Variants in GTF2H1 observed in about 807,000 individuals in gnomAD.
GTF2H1 encodes the protein general transcription factor IIH subunit 1.
In GTF2H1, 16 loss-of-function variants were observed where a neutral mutation model predicts 71.2. That is an observed-to-expected ratio of 0.22 (90% confidence interval 0.15 to 0.34). The LOEUF is 0.34. Among genes scored for constraint, GTF2H1 ranks in the 10% least tolerant of loss-of-function variants. The pLI is 1.00. For missense variants in GTF2H1, 498 were observed against 648.2 expected, an observed-to-expected ratio of 0.77 and a Z score of 2.52; for synonymous variants, 215 against 219.0, an observed-to-expected ratio of 0.98 and a Z score of 0.16.
In GTF2H1 at chr11:18,341,522, T is replaced by G. The variant is rs1397645480; in HGVS notation, c.758-6T>G. ...TGCTGAACTTTTTATTTTGTTGATT[T>G]TCTAGGCCTAAAAACAATGGTTTCA... On this transcript the variant is annotated splice_polypyrimidine_tract_variant and splice_region_variant and intron_variant, in intron 6 of 14. Coordinates refer to ENST00000265963, the MANE Select transcript of GTF2H1 (RefSeq NM_005316.4). 7 of 1,609,756 alleles carry G rather than the reference T, an allele frequency of 4.3e-6. No individual in the cohort carries two copies. Among genetic ancestry groups the G allele is most frequent in the Non-Finnish European group, 5.9e-6 (7 of 1,177,860 alleles).
chr11:18,330,915 AAG>A (rs1864879558), intron 1 of GTF2H1, among the ~76,000 whole-genome samples: 1 of 152,190 alleles, frequency 6.6e-6, no homozygotes, highest in African/African-American at 2.4e-5. Flanking sequence ...AGACCTATAA[AAG>A]GGGTATCTGA....
intron 1 of GTF2H1, chr11:18,324,093 C>T (rs774246995): frequency 6.5e-6 from 1 of 152,804 alleles, no homozygotes; most frequent in African/African-American, 2.4e-5. Flanking sequence ...TCTTGTTGCC[C>T]AGGCTGGAGT....
In GTF2H1 at chr11:18,366,841, T is replaced by TA. The variant is rs1865836749; in HGVS notation, c.*973dup. ...CTCCTTTTCTCTAGTATTTGACTGT[T>TA]ACTGTCCTTGGCGAATCGATAATCA... On this transcript the variant is annotated 3_prime_UTR_variant, in exon 15 of 15. Transcript: ENST00000265963. 6.6e-6 allele frequency: 1 copy of TA among 151,220 alleles called. No individual in the cohort carries two copies. The highest frequency in any genetic ancestry group is 2.4e-5 in the African/African-American group (1 of 41,150). 9.4% of individuals were successfully genotyped at this position (151,220 alleles called of 1,614,324 possible). A position where few individuals can be genotyped will look rare whatever the true frequency, so the allele number is the denominator to read the frequency against.
At chr11:18,364,397 A>G (rs996713803) in intron 14 of GTF2H1, among the ~76,000 whole-genome samples, 1 of 152,166 alleles carries the variant, frequency 6.6e-6, no homozygotes. Context: ...CTCCAAGGAA[A>G]CATATTCCAG....
chr11:18,350,045 A>G (rs2133978625), intron 9 of GTF2H1, among the ~76,000 whole-genome samples: 1 of 152,358 alleles, frequency 6.6e-6, no homozygotes, highest in Admixed American at 6.5e-5. Flanking sequence ...CATAAAGTTG[A>G]AAAATTCCAA....
At chr11:18,352,236 G>A (rs926453794) in intron 10 of GTF2H1, 93 bp from the exon 11 acceptor site, 36 of 664,666 alleles carry the variant, frequency 5.4e-5, no homozygotes, top group African/African-American at 5.3e-4. Context: ...TGCCTTGAGG[G>A]GAACTTAGTA....
chr11:18,351,763 A>C (rs1026617688), intron 9 of GTF2H1, 118 bp from the exon 10 acceptor site: 2 of 588,570 alleles, frequency 3.4e-6, no homozygotes, highest in African/African-American at 3.7e-5. Flanking sequence ...CTAGGAAGAG[A>C]AGCTCATGGT....
At position 18,365,892 on chromosome 11, in the gene GTF2H1, T is replaced by G. The variant is rs767455813; in HGVS notation, c.*23T>G. The G allele has an allele frequency of 3.2e-6, 5 of 1,553,968 alleles. No individual in the cohort carries two copies. In the African/African-American group the frequency reaches 5.4e-5, roughly 17 times the overall value. On this transcript the variant is annotated 3_prime_UTR_variant, in exon 15 of 15. Transcript: ENST00000265963. ...TGAGGTGGCCATGATGCTTACAGGTTTTGTGAGATTGAGAGAACTATGACC... is the reference window on the plus strand; with the variant it reads ...TGAGGTGGCCATGATGCTTACAGGTGTTGTGAGATTGAGAGAACTATGACC...
intron 9 of GTF2H1, chr11:18,348,582 G>C (rs1865353122): frequency 6.6e-6 from 1 of 152,150 alleles, no homozygotes; most frequent in Admixed American, 6.6e-5. Flanking sequence ...GATTTAGATA[G>C]AAATATTCAT....
intron 14 of GTF2H1, among the ~76,000 whole-genome samples, chr11:18,364,027 T>C (rs900766299): frequency 4.0e-5 from 6 of 151,746 alleles, no homozygotes; most frequent in African/African-American, 1.2e-4. Flanking sequence ...TGAGCTGAGA[T>C]CGTGCCATTG....
intron 1 of GTF2H1, among the ~76,000 whole-genome samples, chr11:18,327,385 A>G (rs1468520914): frequency 1.3e-5 from 2 of 152,216 alleles, no homozygotes; most frequent in African/African-American, 4.8e-5. Context: ...ATATATTTTC[A>G]GAGTAACATA....
intron 14 of GTF2H1, among the ~76,000 whole-genome samples, chr11:18,365,070 T>TAAAAA (rs372254821): frequency 1.8e-5 from 2 of 111,508 alleles, no homozygotes; most frequent in Non-Finnish European, 3.7e-5. Context: ...TCTCCACTAT[T>TAAAAA]TAAAAAAGAA....
chr11:18,342,612 C>T (rs1865186763), intron 7 of GTF2H1, among the ~76,000 whole-genome samples: 1 of 152,146 alleles, frequency 6.6e-6, no homozygotes, highest in Non-Finnish European at 1.5e-5. Context: ...TTCAGGACAT[C>T]ACCCTTTCAG....
At position 18,356,108 on chromosome 11, in the gene GTF2H1, G is replaced by A. The variant is rs1387892600; in HGVS notation, c.1261-1844G>A. Among the ~76,000 whole-genome samples the A allele has an allele frequency of 3.9e-4, 60 of 152,246 alleles. 1 individual carries two copies. Among genetic ancestry groups the A allele is most frequent in the Non-Finnish European group, 2.9e-5 (2 of 68,018 alleles). On this transcript the variant is annotated intron_variant, in intron 11 of 14. Coordinates refer to ENST00000265963, the MANE Select transcript of GTF2H1 (RefSeq NM_005316.4). ...GGTAGGAACCAAGATCTGGGACCGG[G>A]CACAGTGACTCACACCTATAGTCCC... is the stretch of plus-strand genomic sequence containing the variant.
intron 9 of GTF2H1, chr11:18,348,558 AAGAT>A (rs1012991673): frequency 6.6e-6 from 1 of 152,324 alleles, no homozygotes; most frequent in African/African-American, 2.4e-5. Context: ...TTTCTTAAGA[AAGAT>A]GTATACTAAG....
rs1455056672 is a variant in GTF2H1 at position 18,360,642 on chromosome 11, C to T, written c.1495C>T (p.Arg499Ter). The change falls in exon 14 of 15, where the codon CGA becomes TGA. Residue 499 changes from arginine to a stop codon, truncating the protein, a stop_gained. Coordinates refer to ENST00000265963, the MANE Select transcript of GTF2H1 (RefSeq NM_005316.4). LOFTEE classifies it high-confidence loss of function. ...KVVKMKSNLE[R>*]FQVTKLCPFQ... ...AGTGAAAATGAAAAGTAATTTGGAACGATTCCAAGTTACGAAGCTCTGTCC... is the reference window on the plus strand; with the variant it reads ...AGTGAAAATGAAAAGTAATTTGGAATGATTCCAAGTTACGAAGCTCTGTCC... The T allele has an allele frequency of 1.3e-6, 2 of 1,549,842 alleles. No individual in the cohort carries two copies. The highest frequency in any genetic ancestry group is 1.2e-5 in the South Asian group (1 of 80,312).
intron 3 of GTF2H1, 125 bp from the exon 4 acceptor site, chr11:18,337,984 C>A: frequency 1.6e-6 from 1 of 627,784 alleles, no homozygotes; most frequent in Non-Finnish European, 2.8e-6. Flanking sequence ...ACCTCTGCTG[C>A]TCAAACATCA....
intron 10 of GTF2H1, 55 bp downstream of exon 10, chr11:18,352,024 T>C (rs778682957): frequency 2.8e-4 from 247 of 874,010 alleles, no homozygotes; most frequent in Non-Finnish European, 4.2e-4. Context: ...GTCCAAAATA[T>C]ATCCTACAAG....
rs568023266 is a variant in GTF2H1 at position 18,346,946 on chromosome 11, G to A, written c.838-642G>A. Among the ~76,000 whole-genome samples the A allele has an allele frequency of 3.3e-5, 5 of 150,690 alleles. No homozygotes were observed. The East Asian group carries it at 7.9e-4, about 24-fold the overall frequency. ...ATAGAGATGAGGTTTCACCATGTTGGCCGGGCTAGTTTTGAACTCCTGACC... is the reference window on the plus strand; with the variant it reads ...ATAGAGATGAGGTTTCACCATGTTGACCGGGCTAGTTTTGAACTCCTGACC... On this transcript the variant is annotated intron_variant, in intron 7 of 14. Transcript: ENST00000265963.
Sources: gnomAD v4.1 joint callset for allele counts (sites outside exome capture counted in the v4.1 genomes callset) on GRCh38, gnomAD v4.1.1 for gene constraint, MANE v1.5 for transcripts, NCBI Gene and HGNC (gene_info 2026-07-23, HGNC 2026-07-21) for gene names.